Variants in FMNL2 observed in about 807,000 individuals in gnomAD.
FMNL2 encodes formin like 2, also known as formin-like protein 2.
FMNL2 carries 51 observed loss-of-function variants against 130.2 expected under a neutral mutation model. The ratio of observed to expected loss-of-function variants is 0.39; its 90% CI spans 0.31 to 0.49. FMNL2 has a LOEUF of 0.49. Among genes scored for constraint, FMNL2 ranks in the 20% least tolerant of loss-of-function variants. The pLI, the probability that FMNL2 is intolerant of heterozygous loss-of-function variation, is 0.85. For missense variants in FMNL2, 977 were observed against 1,316.2 expected (o/e 0.74, Z 3.99); for synonymous variants, 465 against 467.1 (o/e 1.00, Z 0.06).
intron 1 of FMNL2, among the ~76,000 whole-genome samples, chr2:152,338,159 A>G (rs1681588173): frequency 6.6e-6 from 1 of 152,152 alleles, no homozygotes; most frequent in African/African-American, 2.4e-5. Context: ...CAGATTTTTA[A>G]GTATGTATGT....
At chr2:152,390,708 G>C in intron 1 of FMNL2, 1 of 724,446 alleles carries the variant, frequency 1.4e-6, no homozygotes, top group Non-Finnish European at 2.6e-6. Context: ...CTCTTCTCTG[G>C]CCCTTGTGAG....
At chr2:152,468,718 C>T (rs1689691034) in intron 1 of FMNL2, among the ~76,000 whole-genome samples, 1 of 152,042 alleles carries the variant, frequency 6.6e-6, no homozygotes, top group South Asian at 2.1e-4. Context: ...AAATTTAATT[C>T]CATATGTGCT....
Position 152,628,552 on chromosome 2 carries a change from G to A in FMNL2, c.2400+19G>A, listed in dbSNP as rs1681954486. The A allele has an allele frequency of 1.3e-6, 2 of 1,595,224 alleles. No homozygotes were observed. Among genetic ancestry groups the A allele is most frequent in the Admixed American group, 1.7e-5 (1 of 59,912 alleles). ...GACTCCTGTGAGTGGACTGACTCTG[G>A]CAGGGGAGGGGGTCCAAAGAAATGT... On this transcript the variant is annotated intron_variant, in intron 18 of 25. Coordinates refer to ENST00000288670, the MANE Select transcript of FMNL2 (RefSeq NM_052905.4).
intron 1 of FMNL2, among the ~76,000 whole-genome samples, chr2:152,476,658 C>T (rs936967764): frequency 2.0e-5 from 3 of 151,202 alleles, no homozygotes; most frequent in African/African-American, 7.3e-5. Flanking sequence ...TACCATTACA[C>T]TCCAGCCTGG....
At chr2:152,336,269 A>G (rs1034912041) in intron 1 of FMNL2, among the ~76,000 whole-genome samples, 1 of 151,972 alleles carries the variant, frequency 6.6e-6, no homozygotes, top group African/African-American at 2.4e-5. Flanking sequence ...CGGCTTGGCC[A>G]AGGGGAGCTT....
At chr2:152,636,286 C>A in intron 21 of FMNL2, 141 bp from the exon 22 acceptor site, 1 of 747,044 alleles carries the variant, frequency 1.3e-6, no homozygotes, top group Non-Finnish European at 2.1e-6. Context: ...ATTAAAAGAT[C>A]TCTGTGCCAA....
rs770578373 is a variant in FMNL2, at chr2:152,521,946, G to T, written c.121G>T (p.Ala41Ser). 3 of 1,611,696 alleles carry T rather than the reference G, an allele frequency of 1.9e-6. No individual in the cohort carries two copies. In the Admixed American group the frequency reaches 5.0e-5, roughly 27 times the overall value. Residue 41 changes from alanine to serine, a missense_variant, in exon 2 of 26, where the codon GCT becomes TCT. By Grantham distance (99) the Ala-to-Ser change is moderately conservative. Around this residue, in one of 4 missense-constraint regions of FMNL2, gnomAD observed 117 missense variants for 134.9 expected, o/e 0.87. Coordinates refer to ENST00000288670, the MANE Select transcript of FMNL2 (RefSeq NM_052905.4). Reference protein sequence around the residue: ...LEERFAIVLNAMNLPPDKARL... With the variant: ...LEERFAIVLNSMNLPPDKARL... The stretch of plus-strand genomic sequence containing the variant: ...TCTCTTTATTTTTTTTAAACAGAAT[G>T]CTATGAACCTACCTCCTGACAAAGC...
At chr2:152,467,934 G>C (rs1689642183) in intron 1 of FMNL2, among the ~76,000 whole-genome samples, 1 of 152,236 alleles carries the variant, frequency 6.6e-6, no homozygotes, top group Admixed American at 6.5e-5. Context: ...CATTTTAGGA[G>C]GACCTGAAGC....
At chr2:152,566,197 T>C (rs1182099619) in intron 6 of FMNL2, among the ~76,000 whole-genome samples, 1 of 152,232 alleles carries the variant, frequency 6.6e-6, no homozygotes, top group East Asian at 1.9e-4. Context: ...GGTCCTTGTT[T>C]ATATATTTTT....
chr2:152,490,480 ACTT>A (rs1333453597), intron 1 of FMNL2, among the ~76,000 whole-genome samples: 2 of 150,474 alleles, frequency 1.3e-5, no homozygotes, highest in South Asian at 2.1e-4. Context: ...CTCTGAGCTG[ACTT>A]CTTCTCTGTT....
intron 1 of FMNL2, among the ~76,000 whole-genome samples, chr2:152,365,069 T>C (rs997320781): frequency 2.6e-5 from 4 of 152,256 alleles, no homozygotes; most frequent in African/African-American, 9.6e-5. Flanking sequence ...TGCTGGGTAC[T>C]GTATTAGAGT....
At chr2:152,566,945 C>A (rs1183744209) in intron 6 of FMNL2, among the ~76,000 whole-genome samples, 1 of 152,164 alleles carries the variant, frequency 6.6e-6, no homozygotes, top group African/African-American at 2.4e-5. Flanking sequence ...AGACCGCATG[C>A]TTCCTTTAGG....
At chr2:152,625,388 G>T (rs1681711481) in intron 15 of FMNL2, 50 bp from the exon 16 acceptor site, 1 of 1,574,760 alleles carries the variant, frequency 6.4e-7, no homozygotes, top group Non-Finnish European at 8.7e-7. Flanking sequence ...GTTCCTGAGG[G>T]TCGTAGGCTT....
intron 10 of FMNL2, among the ~76,000 whole-genome samples, chr2:152,609,523 AAAAC>A (rs1203394755): frequency 1.3e-5 from 2 of 152,238 alleles, no homozygotes; most frequent in African/African-American, 2.4e-5. Context: ...TGGACAAAAG[AAAAC>A]AAAAACCATT....
intron 1 of FMNL2, among the ~76,000 whole-genome samples, chr2:152,431,698 G>C (rs912395106): frequency 5.3e-5 from 8 of 152,262 alleles, no homozygotes; most frequent in African/African-American, 1.9e-4. Flanking sequence ...CCAGTGTGAG[G>C]CTCATGCCTG....
At chr2:152,403,436 T>C (rs1429965000) in intron 1 of FMNL2, among the ~76,000 whole-genome samples, 1 of 152,220 alleles carries the variant, frequency 6.6e-6, no homozygotes, top group Non-Finnish European at 1.5e-5. Flanking sequence ...CAGTGTGGAC[T>C]CATGGATGTT....
intron 1 of FMNL2, among the ~76,000 whole-genome samples, chr2:152,363,697 G>A (rs1037318413): frequency 9.9e-5 from 15 of 152,112 alleles, no homozygotes; most frequent in Admixed American, 8.5e-4. Context: ...AGGTAGCTGG[G>A]ATTACAGGCG....
intron 1 of FMNL2, among the ~76,000 whole-genome samples, chr2:152,406,050 C>G (rs1419463106): frequency 2.6e-5 from 4 of 152,008 alleles, no homozygotes; most frequent in Non-Finnish European, 5.9e-5. Flanking sequence ...ATATATATCT[C>G]TTGTGACTAC....
At chr2:152,447,641 C>T (rs1021374199) in intron 1 of FMNL2, among the ~76,000 whole-genome samples, 2 of 151,966 alleles carry the variant, frequency 1.3e-5, no homozygotes, top group Admixed American at 1.3e-4. Flanking sequence ...GCATTTTCAC[C>T]CCATTTCTAT....
Sources: allele counts gnomAD v4.1 joint callset (sites outside exome capture counted in the v4.1 genomes callset), GRCh38; gene constraint gnomAD v4.1.1; regional missense constraint gnomAD v4.1.1; transcripts MANE v1.5; gene names NCBI Gene and HGNC (gene_info 2026-07-23, HGNC 2026-07-21).